Variants in GRIN2B observed in about 807,000 individuals in gnomAD.
GRIN2B encodes the protein glutamate ionotropic receptor NMDA type subunit 2B.
In GRIN2B, 5 loss-of-function variants were observed where a neutral mutation model predicts 114.5. The ratio of observed to expected loss-of-function variants is 0.04; its 90% CI spans 0.02 to 0.09. GRIN2B has a LOEUF of 0.09. Ranked by LOEUF, GRIN2B falls within the 10% of genes least tolerant of loss-of-function variation. GRIN2B has a pLI of 1.00. For missense variants in GRIN2B, 1,108 were observed against 1,943.5 expected (o/e 0.57, Z 8.08); for synonymous variants, 787 against 745.1 (o/e 1.06, Z -0.92).
At chr12:13,838,153 A>G (rs897719848) in intron 3 of GRIN2B, among the ~76,000 whole-genome samples, 1 of 152,210 alleles carries the variant, frequency 6.6e-6, no homozygotes, top group Admixed American at 6.5e-5. Context: ...ACAGGAAAGA[A>G]TAAGAGGTAA....
chr12:13,873,097 G>A (rs1865937587), intron 2 of GRIN2B, among the ~76,000 whole-genome samples: 1 of 152,124 alleles, frequency 6.6e-6, no homozygotes, highest in South Asian at 2.1e-4. Flanking sequence ...TAAGAAGTAT[G>A]GTTGACTCAA....
chr12:13,796,563 A>C (rs1864422074), intron 3 of GRIN2B, among the ~76,000 whole-genome samples: 1 of 152,266 alleles, frequency 6.6e-6, no homozygotes, highest in Non-Finnish European at 1.5e-5. Context: ...GCAGACAATG[A>C]GTGATGCAAA....
intron 8 of GRIN2B, 114 bp downstream of exon 8, chr12:13,615,000 G>T: frequency 1.1e-6 from 1 of 929,862 alleles, no homozygotes; most frequent in Non-Finnish European, 1.8e-6. Flanking sequence ...GCTGAGTTGA[G>T]CTCCTAGCAA....
At chr12:13,593,325 T>C (rs558947187) in intron 10 of GRIN2B, among the ~76,000 whole-genome samples, 2 of 152,270 alleles carry the variant, frequency 1.3e-5, no homozygotes, top group East Asian at 1.9e-4. Flanking sequence ...AAAAACAGCA[T>C]GGTACTGGTA....
chr12:13,757,387 C>T (rs1159205643), intron 3 of GRIN2B, among the ~76,000 whole-genome samples: 1 of 152,084 alleles, frequency 6.6e-6, no homozygotes, highest in East Asian at 1.9e-4. Context: ...TGGCCATAGC[C>T]ACAAATAAAA....
At chr12:13,797,771 C>T (rs1239094613) in intron 3 of GRIN2B, among the ~76,000 whole-genome samples, 10 of 152,098 alleles carry the variant, frequency 6.6e-5, no homozygotes, top group Admixed American at 6.5e-4. Flanking sequence ...AATCTTTATC[C>T]TTAGAAATCT....
intron 4 of GRIN2B, among the ~76,000 whole-genome samples, chr12:13,734,191 T>C (rs1053833981): frequency 1.3e-5 from 2 of 152,156 alleles, no homozygotes; most frequent in African/African-American, 4.8e-5. Flanking sequence ...ACTTGAAAAA[T>C]ACAAAATTCA....
chr12:13,610,244 C>G (rs796963745), intron 9 of GRIN2B, among the ~76,000 whole-genome samples: 8 of 152,308 alleles, frequency 5.3e-5, no homozygotes, highest in African/African-American at 1.4e-4. Context: ...GTAAAATGCT[C>G]TAAGGAGACT....
chr12:13,695,658 T>C (rs796195611), intron 4 of GRIN2B, among the ~76,000 whole-genome samples: 22 of 152,246 alleles, frequency 1.4e-4, no homozygotes, highest in African/African-American at 5.3e-4. Flanking sequence ...ACAGGGCCAA[T>C]TGTGAAGCTT....
At chr12:13,591,955 T>A (rs1949014766) in intron 10 of GRIN2B, among the ~76,000 whole-genome samples, 1 of 152,226 alleles carries the variant, frequency 6.6e-6, no homozygotes, top group Non-Finnish European at 1.5e-5. Context: ...AGAACTTTTG[T>A]GTTAATATTA....
At chr12:13,671,353 G>A (rs1237180630) in intron 5 of GRIN2B, among the ~76,000 whole-genome samples, 1 of 152,160 alleles carries the variant, frequency 6.6e-6, no homozygotes, top group Non-Finnish European at 1.5e-5. Context: ...TGGCAACATG[G>A]AGAACTGAAC....
intron 3 of GRIN2B, among the ~76,000 whole-genome samples, chr12:13,855,767 C>A (rs978872600): frequency 6.6e-6 from 1 of 152,180 alleles, no homozygotes; most frequent in African/African-American, 2.4e-5. Context: ...TCTGCAAAGA[C>A]CCTTTATCCA....
intron 3 of GRIN2B, among the ~76,000 whole-genome samples, chr12:13,792,314 T>A (rs1415168956): frequency 4.6e-5 from 7 of 152,160 alleles, no homozygotes; most frequent in Admixed American, 6.5e-5. Context: ...AAGGAAGGAA[T>A]CAAACAAGCT....
At chr12:13,632,143 A>G (rs1002246181) in intron 5 of GRIN2B, among the ~76,000 whole-genome samples, 7 of 152,264 alleles carry the variant, frequency 4.6e-5, no homozygotes, top group African/African-American at 1.7e-4. Context: ...GAAGTTCAGA[A>G]AAGAAGGTTC....
chr12:13,678,339 G>A (rs2193151), intron 4 of GRIN2B, among the ~76,000 whole-genome samples: 21,543 of 151,918 alleles, frequency 0.14, 1,972 homozygotes, highest in Middle Eastern at 0.21. Flanking sequence ...ATTATCTCTG[G>A]GTCTCTTCTT....
At chr12:13,898,229 G>A (rs1449354473) in intron 2 of GRIN2B, among the ~76,000 whole-genome samples, 1 of 152,082 alleles carries the variant, frequency 6.6e-6, no homozygotes, top group South Asian at 2.1e-4. Flanking sequence ...GGGGTTTTCC[G>A]AGTCATTATT....
chr12:13,603,514 T>TTATATAAGA (rs1221196922), intron 10 of GRIN2B, among the ~76,000 whole-genome samples: 1 of 152,126 alleles, frequency 6.6e-6, no homozygotes, highest in Non-Finnish European at 1.5e-5. Flanking sequence ...AATAGCACCA[T>TTATATAAGA]TATATAAGAT....
intron 3 of GRIN2B, among the ~76,000 whole-genome samples, chr12:13,755,708 C>A (rs565408119): frequency 8.5e-5 from 13 of 152,330 alleles, no homozygotes; most frequent in African/African-American, 2.9e-4. Context: ...GCAAAGCTGA[C>A]CTTGTCGTTA....
intron 3 of GRIN2B, among the ~76,000 whole-genome samples, chr12:13,831,544 C>T (rs956854149): frequency 6.6e-6 from 1 of 152,098 alleles, no homozygotes; most frequent in Non-Finnish European, 1.5e-5. Flanking sequence ...CCAGACCAAG[C>T]AACACTCAAT....
Sources: allele counts gnomAD v4.1 joint callset (sites outside exome capture counted in the v4.1 genomes callset), GRCh38; gene constraint gnomAD v4.1.1; transcripts MANE v1.5; gene names NCBI Gene and HGNC (gene_info 2026-07-23, HGNC 2026-07-21).